ZFYVE9: variants seen among roughly 807,000 people sequenced by gnomAD.
ZFYVE9 encodes zinc finger FYVE domain-containing protein 9.
A neutral mutation model predicts 126.7 loss-of-function variants in ZFYVE9; 43 were observed. That is an observed-to-expected ratio of 0.34 (90% CI 0.27 to 0.44). ZFYVE9 has a LOEUF of 0.44. Ranked by LOEUF, ZFYVE9 falls within the 20% of genes least tolerant of loss-of-function variation. The pLI is 1.00. For missense variants in ZFYVE9, 1,476 were observed against 1,697.0 expected (o/e 0.87, Z 2.29); for synonymous variants, 521 against 597.4 (o/e 0.87, Z 1.87).
At chr1:52,216,200 G>GTCTC (rs916744186) in intron 1 of ZFYVE9, among the ~76,000 whole-genome samples, 169 bp from the exon 2 acceptor site, 5 of 152,114 alleles carry the variant, frequency 3.3e-5, no homozygotes, top group African/African-American at 1.2e-4. Context: ...ACAATAAAAT[G>GTCTC]TCTCTGTTGC....
intron 7 of ZFYVE9, among the ~76,000 whole-genome samples, chr1:52,271,396 A>G (rs1645691035): frequency 2.0e-5 from 3 of 152,214 alleles, no homozygotes; most frequent in Admixed American, 6.5e-5. Flanking sequence ...GGCACTTAAC[A>G]AGTGCCCAGT....
intron 1 of ZFYVE9, among the ~76,000 whole-genome samples, chr1:52,205,800 CTTG>C (rs1644973070): frequency 6.6e-6 from 1 of 152,172 alleles, no homozygotes; most frequent in Non-Finnish European, 1.5e-5. Context: ...TATGTATACT[CTTG>C]TTGTTACTCT....
At chr1:52,212,848 CAG>C (rs1444503018) in intron 1 of ZFYVE9, among the ~76,000 whole-genome samples, 3 of 152,090 alleles carry the variant, frequency 2.0e-5, no homozygotes, top group Admixed American at 6.5e-5. Flanking sequence ...TATGGGAACA[CAG>C]AGAACTATGT....
intron 1 of ZFYVE9, among the ~76,000 whole-genome samples, chr1:52,143,886 C>T (rs1332655341): frequency 1.3e-5 from 2 of 152,176 alleles, no homozygotes; most frequent in Non-Finnish European, 2.9e-5. Context: ...TGTAGCCTTG[C>T]ATTGTTTTTG....
chr1:52,265,306 G>T (rs529704814), intron 5 of ZFYVE9, among the ~76,000 whole-genome samples: 3 of 151,680 alleles, frequency 2.0e-5, no homozygotes, highest in African/African-American at 4.8e-5. Flanking sequence ...CCCTCTTTCT[G>T]CCAGTGCTTT....
At chr1:52,191,454 G>T (rs1184950907) in intron 1 of ZFYVE9, among the ~76,000 whole-genome samples, 1 of 152,182 alleles carries the variant, frequency 6.6e-6, no homozygotes, top group Admixed American at 6.5e-5. Context: ...TTGCCCTCAT[G>T]AAGTGACTTG....
chr1:52,169,766 A>T (rs28542245), intron 1 of ZFYVE9, among the ~76,000 whole-genome samples: 4 of 152,166 alleles, frequency 2.6e-5, no homozygotes, highest in Non-Finnish European at 4.4e-5. Flanking sequence ...AATTATGTGG[A>T]GATTTTTATT....
intron 1 of ZFYVE9, among the ~76,000 whole-genome samples, chr1:52,194,488 TA>T (rs1242420167): frequency 6.6e-6 from 1 of 152,254 alleles, no homozygotes; most frequent in Non-Finnish European, 1.5e-5. Context: ...ATGAAAGATA[TA>T]AATAGATGTT....
chr1:52,201,519 G>T (rs1466215824), intron 1 of ZFYVE9, among the ~76,000 whole-genome samples: 2 of 151,584 alleles, frequency 1.3e-5, no homozygotes, highest in Non-Finnish European at 2.9e-5. Flanking sequence ...TGGGATTGCA[G>T]GTGTGTGCCA....
chr1:52,266,241 G>A (rs1385672579), intron 5 of ZFYVE9, among the ~76,000 whole-genome samples: 1 of 151,550 alleles, frequency 6.6e-6, no homozygotes, highest in Non-Finnish European at 1.5e-5. Flanking sequence ...GGGACTACAG[G>A]TGCCTGCCAC....
At chr1:52,191,739 A>G (rs143746159) in intron 1 of ZFYVE9, among the ~76,000 whole-genome samples, 9 of 152,266 alleles carry the variant, frequency 5.9e-5, no homozygotes, top group Non-Finnish European at 1.0e-4. Context: ...CCATTACACC[A>G]CATTGTCTCG....
intron 1 of ZFYVE9, among the ~76,000 whole-genome samples, chr1:52,164,546 A>G (rs967655219): frequency 1.3e-5 from 2 of 151,974 alleles, no homozygotes; most frequent in African/African-American, 4.8e-5. Flanking sequence ...ACATCTATCT[A>G]TCTATCTATC....
intron 13 of ZFYVE9, among the ~76,000 whole-genome samples, chr1:52,320,644 A>C (rs987032321): frequency 6.6e-6 from 1 of 152,218 alleles, no homozygotes; most frequent in Non-Finnish European, 1.5e-5. Flanking sequence ...GAAATGGTTC[A>C]TAGATTTATA....
chr1:52,145,375 G>A (rs1160605761), intron 1 of ZFYVE9, among the ~76,000 whole-genome samples: 1 of 152,134 alleles, frequency 6.6e-6, no homozygotes, highest in Non-Finnish European at 1.5e-5. Flanking sequence ...CTGGTTGCAA[G>A]GCACAAAGCT....
intron 1 of ZFYVE9, among the ~76,000 whole-genome samples, chr1:52,203,996 A>G (rs999799517): frequency 3.3e-5 from 5 of 151,766 alleles, no homozygotes; most frequent in African/African-American, 1.2e-4. Flanking sequence ...CATATTAATT[A>G]TAGTTGTTTT....
At chr1:52,191,194 C>A (rs1435193504) in intron 1 of ZFYVE9, among the ~76,000 whole-genome samples, 2 of 152,174 alleles carry the variant, frequency 1.3e-5, no homozygotes, top group Non-Finnish European at 2.9e-5. Flanking sequence ...CCTGCTTTGG[C>A]CTCCCAAGGT....
In ZFYVE9 at chr1:52,337,907, T is replaced by C. The variant is rs751193949; in HGVS notation, c.3806T>C (p.Val1269Ala). The C allele has an allele frequency of 1.1e-5, 18 of 1,614,002 alleles. 1 individual carries two copies. The Admixed American group carries it at 1.8e-4, about 16-fold the overall frequency. Residue 1269 changes from valine to alanine, a missense_variant, in exon 16 of 19, where the codon GTG (valine) becomes GCG (alanine). By Grantham distance (64) the Val-to-Ala change is moderately conservative. This residue lies in a region of ZFYVE9 where 669 missense variants were observed against 902.4 expected (regional missense o/e 0.74). Coordinates refer to ENST00000287727, the MANE Select transcript of ZFYVE9 (RefSeq NM_004799.4). ...CAGGAGCACATCCACATCCAGTGGG[T>C]GGATGATGACAAGAACGTTAGCAAG... ...EPQEHIHIQW[V>A]DDDKNVSKGV...
At chr1:52,290,800 A>G (rs1645912191) in intron 10 of ZFYVE9, among the ~76,000 whole-genome samples, 1 of 152,246 alleles carries the variant, frequency 6.6e-6, no homozygotes, top group South Asian at 2.1e-4. Context: ...CATTAGAATA[A>G]TAATAGTTAT....
rs574297979 is a variant in ZFYVE9, at chr1:52,185,194, T to G, written c.-142-31175T>G. On this transcript the variant is annotated intron_variant, in intron 1 of 18. Coordinates refer to ENST00000287727, the MANE Select transcript of ZFYVE9 (RefSeq NM_004799.4). ...TTTAATACCTACTAGTTCAGCTTTT[T>G]CATTGAAGAGGGAGTAATAATTATA... Among the ~76,000 whole-genome samples, 323 of 152,316 alleles carry G rather than the reference T, an allele frequency of 2.1e-3. 1 individual carries two copies. Among genetic ancestry groups the G allele is most frequent in the Non-Finnish European group, 3.4e-3 (234 of 68,034 alleles).
Sources: gnomAD v4.1 joint callset for allele counts (sites outside exome capture counted in the v4.1 genomes callset) on GRCh38, gnomAD v4.1.1 for gene constraint, gnomAD v4.1.1 regional missense constraint, MANE v1.5 for transcripts, NCBI Gene and HGNC (gene_info 2026-07-23, HGNC 2026-07-21) for gene names.